Variants in IP6K3 observed in about 807,000 individuals in gnomAD.
IP6K3 encodes inositol hexakisphosphate kinase 3, also known as ATP:1D-myo-inositol-hexakisphosphate phosphotransferase.
Under a neutral mutation model 28.8 loss-of-function variants are expected in IP6K3, and 20 were observed. That is an observed-to-expected ratio of 0.70 (90% CI 0.49 to 1.01). The LOEUF (loss-of-function observed/expected upper bound fraction) is 1.01, where lower values mean the gene tolerates loss of function less well. IP6K3 is among the 50% of genes least tolerant of loss of function. IP6K3 has a pLI of 0.00. For missense variants in IP6K3, 480 were observed against 537.1 expected, an observed-to-expected ratio of 0.89 and a Z score of 1.05; for synonymous variants, 213 against 221.3, an observed-to-expected ratio of 0.96 and a Z score of 0.33.
At position 33,728,287 on chromosome 6, in the gene IP6K3, C is replaced by T; in HGVS notation, c.213G>A (p.Val71=). The T allele has an allele frequency of 6.2e-7, 1 of 1,614,174 alleles. No individual in the cohort carries two copies. The highest frequency in any genetic ancestry group is 8.5e-7 in the Non-Finnish European group (1 of 1,180,034). Residue 71 remains valine (V), a synonymous_variant, in exon 3 of 6, where the codon GTG becomes GTA. Transcript: ENST00000293756. ...GGCCTGTGCTGTCTTTCCAGAGGTG[C>T]ACTGTGACGGTACCTGCAAACACAC... is the stretch of plus-strand genomic sequence containing the variant. The part of the protein sequence containing the change: ...FTPQYKGTVT[V]HLWKDSTGHL...
chr6:33,728,354 C>G, intron 2 of IP6K3, 54 bp from the exon 3 acceptor site: 1 of 1,528,922 alleles, frequency 6.5e-7, no homozygotes, highest in Non-Finnish European at 9.1e-7. Flanking sequence ...AGCCTCCACA[C>G]GGACATGCAG....
the IP6K3 span, among the ~76,000 whole-genome samples, chr6:33,760,480 C>A: frequency 2.0e-5 from 3 of 152,210 alleles, no homozygotes; most frequent in Non-Finnish European, 4.4e-5. Flanking sequence ...AGTCTGTTCA[C>A]TCCCTGCACA....
chr6:33,723,047 G>A lies in IP6K3; in HGVS notation c.906C>T (p.Ile302=), dbSNP rs201060100. 8.7e-6 allele frequency: 14 copies of A among 1,614,158 alleles called. No individual in the cohort carries two copies. In the East Asian group the frequency reaches 2.5e-4, roughly 28 times the overall value. ...SHLRRELLEP[I]LHQLRALLSV... ...AGAGGAGGGCCCGGAGCTGGTGCAG[G>A]ATGGGCTCCAGGAGCTCCCTCCGGA... The change falls in exon 6 of 6, where the codon ATC becomes ATT. Residue 302 remains isoleucine, a synonymous_variant. Transcript: ENST00000293756.
At chr6:33,740,785 C>G (rs557401688) in intron 1 of IP6K3, among the ~76,000 whole-genome samples, 1 of 152,194 alleles carries the variant, frequency 6.6e-6, no homozygotes, top group African/African-American at 2.4e-5. Flanking sequence ...ATTAACATTA[C>G]GGAAGATGCA....
intron 3 of IP6K3, among the ~76,000 whole-genome samples, chr6:33,727,562 G>T (rs1229187139): frequency 2.0e-5 from 3 of 152,144 alleles, no homozygotes; most frequent in Non-Finnish European, 4.4e-5. Flanking sequence ...CTTTTCACCT[G>T]AGAAAGGTCA....
At position 33,728,158 on chromosome 6, in the gene IP6K3, G is replaced by A. The variant is rs752048510; in HGVS notation, c.342C>T (p.Thr114=). The change falls in exon 3 of 6, where the codon ACC becomes ACT. Residue 114 remains threonine (T), a synonymous_variant. Coordinates refer to ENST00000293756, the MANE Select transcript of IP6K3 (RefSeq NM_054111.5). ...GGGTGCAGTCGCTGCCATTGCTGCC[G>A]GTGGTCTGCTGGAGCGTCTGCCATA... ...VAIWQTLQQT[T]GSNGSDCTLA... The A allele has an allele frequency of 2.6e-5, 42 of 1,612,414 alleles. No individual in the cohort carries two copies. The highest frequency in any genetic ancestry group is 6.6e-5 in the South Asian group (6 of 91,090).
At chr6:33,748,180 C>T (rs189817216), upstream of IP6K3, among the ~76,000 whole-genome samples, 622 of 152,244 alleles carry the variant, frequency 4.1e-3, 10 homozygotes, top group Non-Finnish European at 1.2e-3. Context: ...CCAGGTTGCC[C>T]ACTGGTCTGG....
At chr6:33,760,893 C>T in the IP6K3 span, among the ~76,000 whole-genome samples, 1 of 151,984 alleles carries the variant, frequency 6.6e-6, no homozygotes, top group Non-Finnish European at 1.5e-5. Context: ...GTCCTGGGAG[C>T]CCCCGCCTGC....
At chr6:33,726,382 C>T (rs905513814) in intron 4 of IP6K3, among the ~76,000 whole-genome samples, 1 of 152,188 alleles carries the variant, frequency 6.6e-6, no homozygotes, top group Non-Finnish European at 1.5e-5. Flanking sequence ...CCTGCTGCCC[C>T]CACGCAACAT....
rs1766497879 is a variant in IP6K3, at chr6:33,735,624, T to C, written c.-148A>G. Reference sequence around the variant, plus strand: ...CTTTATTGCTGTCATAGCGCAGTTGTCCTCCTGTCTGTGGGTTCTCAGCGG... The same window carrying C: ...CTTTATTGCTGTCATAGCGCAGTTGCCCTCCTGTCTGTGGGTTCTCAGCGG... On this transcript the variant is annotated 5_prime_UTR_variant, in exon 2 of 6. Transcript: ENST00000293756. The C allele has an allele frequency of 1.4e-6, 2 of 1,451,968 alleles. No individual in the cohort carries two copies. Among genetic ancestry groups the C allele is most frequent in the Non-Finnish European group, 1.8e-6 (2 of 1,107,166 alleles). The allele number at this position is 1,451,968 out of a possible 1,614,324, so 89.9% of individuals were successfully genotyped here.
chr6:33,756,915 G>A, the IP6K3 span, among the ~76,000 whole-genome samples: 1 of 152,248 alleles, frequency 6.6e-6, no homozygotes, highest in African/African-American at 2.4e-5. Context: ...CGGGGCACTT[G>A]TAGGTTCGTG....
intron 3 of IP6K3, among the ~76,000 whole-genome samples, chr6:33,727,388 G>A (rs1766158327): frequency 1.3e-5 from 2 of 152,138 alleles, no homozygotes; most frequent in Admixed American, 6.5e-5. Flanking sequence ...CTGCCCTCTT[G>A]GCATCTTGGC....
At chr6:33,756,701 CA>C in the IP6K3 span, among the ~76,000 whole-genome samples, 592 of 152,256 alleles carry the variant, frequency 3.9e-3, 16 homozygotes, top group East Asian at 0.032. Flanking sequence ...CTGGAGGTGA[CA>C]GGGGTGCAGA....
the IP6K3 span, among the ~76,000 whole-genome samples, chr6:33,752,296 C>T: frequency 3.9e-5 from 6 of 152,212 alleles, no homozygotes; most frequent in Admixed American, 1.3e-4. Flanking sequence ...GCTGGGGCCC[C>T]GCCCTGCCCA....
At chr6:33,736,193 T>C (rs1379087995) in intron 1 of IP6K3, among the ~76,000 whole-genome samples, 2 of 152,140 alleles carry the variant, frequency 1.3e-5, no homozygotes, top group African/African-American at 2.4e-5. Context: ...TTTGTACTTT[T>C]TGAATTTAAA....
chr6:33,750,665 G>GTGAA (rs1767010398), upstream of IP6K3, among the ~76,000 whole-genome samples: 1 of 152,196 alleles, frequency 6.6e-6, no homozygotes, highest in African/African-American at 2.4e-5. This position sits in a 1 kb window ranked among gnomAD's most constrained non-coding sequence, Gnocchi z 4.3. Flanking sequence ...TACTTGTTTG[G>GTGAA]TGAATGAATG....
chr6:33,736,603 G>T (rs984562187), intron 1 of IP6K3, among the ~76,000 whole-genome samples: 3 of 151,774 alleles, frequency 2.0e-5, no homozygotes, highest in Non-Finnish European at 4.4e-5. Flanking sequence ...ACAGGGTTTC[G>T]CCATGTTGGC....
rs111280183 is a variant in IP6K3 at position 33,730,719 on chromosome 6, C to T, written c.200-2419G>A. On this transcript the variant is annotated intron_variant, in intron 2 of 5. Coordinates refer to ENST00000293756, the MANE Select transcript of IP6K3 (RefSeq NM_054111.5). ...GGTTTTGACGGTGGGCGCCTAGGCT[C>T]GGAGAGATGGGATAATCTGCCCAAG... Among the ~76,000 whole-genome samples, 473 of 152,008 alleles carry T rather than the reference C, an allele frequency of 3.1e-3. 1 individual carries two copies. Among genetic ancestry groups the T allele is most frequent in the Middle Eastern group, 0.01 (3 of 292 alleles).
chr6:33,741,181 T>C (rs1766706367), intron 1 of IP6K3, among the ~76,000 whole-genome samples: 1 of 152,178 alleles, frequency 6.6e-6, no homozygotes, highest in South Asian at 2.1e-4. Context: ...GTCAGTAGGG[T>C]CCCTAAGTGA....
Sources: allele counts gnomAD v4.1 joint callset (sites outside exome capture counted in the v4.1 genomes callset), GRCh38; gene constraint gnomAD v4.1.1; non-coding constraint Gnocchi (gnomAD v3.1); transcripts MANE v1.5; gene names NCBI Gene and HGNC (gene_info 2026-07-23, HGNC 2026-07-21).